PTPN4: variants seen among roughly 807,000 people sequenced by gnomAD.
PTPN4 encodes the protein protein tyrosine phosphatase non-receptor type 4, also known as tyrosine-protein phosphatase non-receptor type 4.
In PTPN4, 49 loss-of-function variants were observed where a neutral mutation model predicts 135.5. The observed-to-expected ratio is 0.36, with a 90% confidence interval of 0.29 to 0.46. The LOEUF (loss-of-function observed/expected upper bound fraction) is 0.46, where lower values mean the gene tolerates loss of function less well. PTPN4 is among the 20% of genes least tolerant of loss of function. The pLI is 1.00. For synonymous variants in PTPN4, 333 were observed against 369.9 expected (o/e 0.90, Z 1.14); for missense variants, 860 against 1,101.0 (o/e 0.78, Z 3.10).
intron 26 of PTPN4, among the ~76,000 whole-genome samples, chr2:119,970,846 G>C (rs965441997): frequency 1.3e-5 from 2 of 152,154 alleles, no homozygotes; most frequent in Admixed American, 6.5e-5. Context: ...TTTTCATTCT[G>C]TTTAACCTTT....
intron 3 of PTPN4, among the ~76,000 whole-genome samples, chr2:119,873,083 C>T (rs1677936300): frequency 6.6e-6 from 1 of 152,096 alleles, no homozygotes; most frequent in East Asian, 1.9e-4. Flanking sequence ...GCAGCCTCAG[C>T]CTCTCAGACT....
At chr2:119,889,594 AT>A (rs1280535194) in intron 9 of PTPN4, among the ~76,000 whole-genome samples, 4 of 150,592 alleles carry the variant, frequency 2.7e-5, no homozygotes, top group South Asian at 2.1e-4. Flanking sequence ...TTTATCCATC[AT>A]TTTTTTTATG....
chr2:119,939,673 A>G (rs756271975), intron 15 of PTPN4, among the ~76,000 whole-genome samples: 5 of 152,082 alleles, frequency 3.3e-5, no homozygotes, highest in Admixed American at 6.5e-5. Flanking sequence ...GTCTTATCTA[A>G]TGAATCTCCG....
intron 13 of PTPN4, among the ~76,000 whole-genome samples, chr2:119,927,621 C>T (rs983323458): frequency 3.9e-5 from 6 of 152,082 alleles, no homozygotes; most frequent in African/African-American, 1.4e-4. Flanking sequence ...ATTTAAGGAA[C>T]GTTTTGTAGG....
intron 1 of PTPN4, among the ~76,000 whole-genome samples, chr2:119,801,356 G>A (rs986912199): frequency 2.6e-5 from 4 of 152,082 alleles, no homozygotes; most frequent in Non-Finnish European, 5.9e-5. Context: ...CCAAAATTCT[G>A]GGATTACAGG....
intron 13 of PTPN4, among the ~76,000 whole-genome samples, chr2:119,929,253 A>G (rs1345551366): frequency 6.6e-6 from 1 of 152,058 alleles, no homozygotes; most frequent in Non-Finnish European, 1.5e-5. Context: ...TTAGGATCTA[A>G]TTGTAATGAA....
intron 3 of PTPN4, among the ~76,000 whole-genome samples, chr2:119,863,330 G>C (rs973307218): frequency 6.6e-6 from 1 of 152,060 alleles, no homozygotes; most frequent in Non-Finnish European, 1.5e-5. Context: ...AGCAAATTCT[G>C]ATTGAATTCT....
Position 119,945,184 on chromosome 2 carries a change from C to G in PTPN4, c.1459C>G (p.Leu487Val). The change falls in exon 16 of 27, where the codon CTA becomes GTA. Residue 487 changes from leucine (L) to valine (V), a missense_variant. Physicochemically the swap from Leu to Val is conservative, Grantham distance 32. This residue lies in a region of PTPN4 where 684 missense variants were observed against 807.0 expected (regional missense o/e 0.85). Coordinates refer to ENST00000263708, the MANE Select transcript of PTPN4 (RefSeq NM_002830.4). ...QIHYSHSQQD[L>V]ESHINETFDI... Reference sequence around the variant, plus strand: ...TCATTATTCACATTCGCAACAAGATCTAGAAAGTCATATTAATGAAACATT... The same window carrying G: ...TCATTATTCACATTCGCAACAAGATGTAGAAAGTCATATTAATGAAACATT... 1.3e-6 allele frequency: 2 copies of G among 1,593,788 alleles called. No homozygotes were observed. The highest frequency in any genetic ancestry group is 1.7e-6 in the Non-Finnish European group (2 of 1,171,434).
At chr2:119,899,734 C>G (rs1346002359) in intron 9 of PTPN4, among the ~76,000 whole-genome samples, 3 of 152,072 alleles carry the variant, frequency 2.0e-5, no homozygotes, top group African/African-American at 7.2e-5. Context: ...CTTTTTAATA[C>G]TCTGATAATA....
chr2:119,844,225 G>A (rs1456261351), intron 2 of PTPN4, among the ~76,000 whole-genome samples: 8 of 135,534 alleles, frequency 5.9e-5, no homozygotes, highest in East Asian at 2.3e-4. Context: ...CAGTAGGGGC[G>A]GGCGGGCAGA....
rs1677877779 is a variant in PTPN4 at position 119,869,413 on chromosome 2, C to G, written c.246+6770C>G. Among the ~76,000 whole-genome samples, 3 of 152,334 alleles carry G rather than the reference C, an allele frequency of 2.0e-5. No individual in the cohort carries two copies. In the East Asian group the frequency reaches 5.8e-4, roughly 29 times the overall value. On this transcript the variant is annotated intron_variant, in intron 3 of 26. Coordinates refer to ENST00000263708, the MANE Select transcript of PTPN4 (RefSeq NM_002830.4). ...CTGTATTCTGTGTCCAATTTGGGAG[C>G]AGTATCTCTACTTATTTCTTAAAGG...
intron 13 of PTPN4, among the ~76,000 whole-genome samples, chr2:119,931,044 A>T (rs1449099186): frequency 1.3e-5 from 2 of 152,134 alleles, no homozygotes; most frequent in African/African-American, 4.8e-5. Flanking sequence ...TCAAATAGGT[A>T]TTTCTACCTA....
chr2:119,969,548 A>ATTT (rs1167219560), intron 26 of PTPN4, among the ~76,000 whole-genome samples: 6 of 94,480 alleles, frequency 6.4e-5, no homozygotes, highest in African/African-American at 2.3e-4. Flanking sequence ...AATGTAATCA[A>ATTT]TTTCTTTTTT....
intron 8 of PTPN4, among the ~76,000 whole-genome samples, chr2:119,884,794 G>A (rs1678131222): frequency 6.6e-6 from 1 of 152,124 alleles, no homozygotes; most frequent in African/African-American, 2.4e-5. Flanking sequence ...ATAGAAATTG[G>A]AAGTGTACTG....
chr2:119,956,234 T>C (rs1679279438), intron 20 of PTPN4, among the ~76,000 whole-genome samples: 1 of 131,682 alleles, frequency 7.6e-6, no homozygotes, highest in African/African-American at 2.7e-5. Flanking sequence ...TTAATAAACC[T>C]GAATTTTTTT....
chr2:119,893,540 G>A (rs181078713), intron 9 of PTPN4, among the ~76,000 whole-genome samples: 48 of 152,278 alleles, frequency 3.2e-4, no homozygotes, highest in East Asian at 2.3e-3. Flanking sequence ...AATTGTTAGC[G>A]TATAGTTAAT....
At chr2:119,780,511 C>T (rs1311732761) in intron 1 of PTPN4, among the ~76,000 whole-genome samples, 1 of 152,176 alleles carries the variant, frequency 6.6e-6, no homozygotes, top group African/African-American at 2.4e-5. Context: ...AACGCTCCCC[C>T]ATCCTTTTAC....
At chr2:119,811,784 G>T (rs766169985) in intron 2 of PTPN4, among the ~76,000 whole-genome samples, 36 of 152,190 alleles carry the variant, frequency 2.4e-4, no homozygotes, top group South Asian at 4.1e-4. Flanking sequence ...ATAATTTTCT[G>T]TTGAGCACTT....
intron 1 of PTPN4, among the ~76,000 whole-genome samples, chr2:119,775,927 C>T (rs1018162440): frequency 1.3e-5 from 2 of 152,112 alleles, no homozygotes; most frequent in Non-Finnish European, 2.9e-5. Context: ...TTAGACACCA[C>T]ACCAGAGGAA....
Sources: gnomAD v4.1 joint callset for allele counts (sites outside exome capture counted in the v4.1 genomes callset) on GRCh38, gnomAD v4.1.1 for gene constraint, gnomAD v4.1.1 regional missense constraint, MANE v1.5 for transcripts, NCBI Gene and HGNC (gene_info 2026-07-23, HGNC 2026-07-21) for gene names.